Variants in RNF111 observed in about 807,000 individuals in gnomAD.
RNF111 encodes ring finger protein 111.
A neutral mutation model predicts 95.1 loss-of-function variants in RNF111; 17 were observed. The observed-to-expected ratio is 0.18, with a 90% CI of 0.12 to 0.27. The LOEUF (loss-of-function observed/expected upper bound fraction) is 0.27, where lower values mean the gene tolerates loss of function less well. Ranked by LOEUF, RNF111 falls within the 10% of genes least tolerant of loss-of-function variation. The pLI, the probability that RNF111 is intolerant of heterozygous loss-of-function variation, is 1.00. For missense variants in RNF111, 1,189 were observed against 1,210.4 expected (o/e 0.98, Z 0.26); for synonymous variants, 440 against 414.8 (o/e 1.06, Z -0.74).
rs140666244 is a variant in RNF111 at position 59,041,425 on chromosome 15, C to T, written c.880+9723C>T. On this transcript the variant is annotated intron_variant, in intron 2 of 13. Coordinates refer to ENST00000348370, the MANE Select transcript of RNF111 (RefSeq NM_017610.8). ...AAAAATTAGCCGGGTGTGGTGGCTGCACCTGTAATCCCAGCTACTCAAGAG... is the reference window on the plus strand; with the variant it reads ...AAAAATTAGCCGGGTGTGGTGGCTGTACCTGTAATCCCAGCTACTCAAGAG... 4.5e-3 allele frequency among the ~76,000 whole-genome samples: 680 copies of T among 152,152 alleles called. 5 individuals are homozygous for T. The highest frequency in any genetic ancestry group is 0.041 in the Middle Eastern group (12 of 294).
intron 7 of RNF111, 28 bp from the exon 8 acceptor site, chr15:59,080,908 T>C: frequency 6.4e-7 from 1 of 1,557,568 alleles, no homozygotes; most frequent in Non-Finnish European, 8.8e-7. Context: ...GGTGCCTATG[T>C]AACATACTCA....
At chr15:59,056,123 T>A (rs2042190915) in intron 4 of RNF111, among the ~76,000 whole-genome samples, 1 of 152,190 alleles carries the variant, frequency 6.6e-6, no homozygotes, top group South Asian at 2.1e-4. Context: ...TTAGTTTGAT[T>A]TGTAATAATG....
chr15:59,039,943 C>T (rs1366873136), intron 2 of RNF111, among the ~76,000 whole-genome samples: 1 of 151,942 alleles, frequency 6.6e-6, no homozygotes, highest in Non-Finnish European at 1.5e-5. Context: ...TCTCGATCTC[C>T]TGACCTCATG....
Position 59,040,888 on chromosome 15 carries a change from G to A in RNF111, c.880+9186G>A, listed in dbSNP as rs746209290. Among the ~76,000 whole-genome samples the A allele has an allele frequency of 1.3e-3, 192 of 151,942 alleles. 3 individuals are homozygous for A. In the Middle Eastern group the frequency reaches 0.017, roughly 13 times the overall value. Reference sequence around the variant, plus strand: ...AGATATTTTTAAAAAATTTAATTTCGCTTTTTAAATTATGTAAAACATTTA... The same window carrying A: ...AGATATTTTTAAAAAATTTAATTTCACTTTTTAAATTATGTAAAACATTTA... On this transcript the variant is annotated intron_variant, in intron 2 of 13. Coordinates refer to ENST00000348370, the MANE Select transcript of RNF111 (RefSeq NM_017610.8).
chr15:59,067,869 G>T, intron 6 of RNF111, among the ~76,000 whole-genome samples: 1 of 152,110 alleles, frequency 6.6e-6, no homozygotes, highest in South Asian at 2.1e-4. Flanking sequence ...CTCATTTGCA[G>T]ACCTGTAGCA....
At chr15:59,005,227 A>G (rs1284028580) in intron 1 of RNF111, among the ~76,000 whole-genome samples, 1 of 152,088 alleles carries the variant, frequency 6.6e-6, no homozygotes, top group Non-Finnish European at 1.5e-5. Context: ...AGTCTCACCT[A>G]TGTTGCCTAG....
intron 1 of RNF111, among the ~76,000 whole-genome samples, chr15:58,998,256 TTTTAAG>T (rs1268355768): frequency 1.1e-4 from 16 of 152,108 alleles, no homozygotes; most frequent in Admixed American, 7.2e-4. Context: ...TTTTTTTTTT[TTTTAAG>T]TTTAAGTTCA....
At chr15:59,012,807 C>A (rs1458295783) in intron 1 of RNF111, among the ~76,000 whole-genome samples, 4 of 150,936 alleles carry the variant, frequency 2.7e-5, no homozygotes, top group Non-Finnish European at 5.9e-5. Context: ...GGCACAATCT[C>A]AGCTCACTGT....
At chr15:59,080,653 T>C (rs2078713939) in intron 7 of RNF111, among the ~76,000 whole-genome samples, 1 of 152,140 alleles carries the variant, frequency 6.6e-6, no homozygotes, top group Admixed American at 6.5e-5. Flanking sequence ...GTTTCTTTTT[T>C]ATCAGTGGGG....
At chr15:59,039,103 T>G (rs2041324285) in intron 2 of RNF111, among the ~76,000 whole-genome samples, 1 of 152,188 alleles carries the variant, frequency 6.6e-6, no homozygotes, top group African/African-American at 2.4e-5. Flanking sequence ...TAGCTGGGAT[T>G]ACAGGCACGT....
At position 59,076,138 on chromosome 15, in the gene RNF111, G is replaced by A. The variant is rs748801990; in HGVS notation, c.1871G>A (p.Ser624Asn). 4 of 1,613,944 alleles carry A rather than the reference G, an allele frequency of 2.5e-6. No homozygotes were observed. The African/African-American group carries it at 5.3e-5, about 22-fold the overall frequency. Residue 624 changes from serine (S) to asparagine (N), a missense_variant, in exon 7 of 14, where the codon AGC (serine) becomes AAC (asparagine). Physicochemically the swap from Ser to Asn is conservative, Grantham distance 46. Around this residue, in one of 2 missense-constraint regions of RNF111, gnomAD observed 1,024 missense variants for 925.9 expected, o/e 1.11. Transcript: ENST00000348370. ...PLSSIDGYGS[S>N]MVAQPQPQPP... ...TCATCAATAGATGGCTATGGATCAA[G>A]CATGGTTGCGCAGCCCCAGCCCCAG...
At chr15:59,048,530 G>A (rs1447507225) in intron 2 of RNF111, among the ~76,000 whole-genome samples, 5 of 152,146 alleles carry the variant, frequency 3.3e-5, no homozygotes, top group Admixed American at 3.3e-4. Flanking sequence ...GGATTGTGGT[G>A]ATGATTACAC....
intron 1 of RNF111, among the ~76,000 whole-genome samples, chr15:59,005,591 A>G (rs533839378): frequency 7.9e-5 from 12 of 152,252 alleles, no homozygotes; most frequent in African/African-American, 2.9e-4. Context: ...TTTTGGTCTA[A>G]TCTTCAAGAG....
At position 59,031,581 on chromosome 15, in the gene RNF111, T is replaced by C; in HGVS notation, c.759T>C (p.Ser253=). The C allele has an allele frequency of 1.2e-6, 2 of 1,614,222 alleles. No individual in the cohort carries two copies. Among genetic ancestry groups the C allele is most frequent in the South Asian group, 1.1e-5 (1 of 91,090 alleles). Residue 253 remains serine (S), a synonymous_variant, in exon 2 of 14, where the codon TCT becomes TCC. Transcript: ENST00000348370. The part of the protein sequence containing the change: ...ARRKYALLPS[S]SSSSENDLSS... ...GAAAATATGCCTTGCTACCTAGTTC[T>C]AGTAGTTCCAGTGAGAATGACCTCA...
chr15:59,032,555 G>C (rs1196693603), intron 2 of RNF111, among the ~76,000 whole-genome samples: 2 of 152,084 alleles, frequency 1.3e-5, no homozygotes, highest in Non-Finnish European at 2.9e-5. Flanking sequence ...TCAAGTAGCT[G>C]GGACTACAGG....
intron 1 of RNF111, among the ~76,000 whole-genome samples, chr15:58,992,120 C>T (rs1442932809): frequency 6.6e-6 from 1 of 152,160 alleles, no homozygotes; most frequent in African/African-American, 2.4e-5. Context: ...TCTCAGCTCA[C>T]TGAAGCCTCC....
chr15:59,055,971 T>G (rs1168135071), intron 4 of RNF111, 126 bp downstream of exon 4: 1 of 729,504 alleles, frequency 1.4e-6, no homozygotes, highest in Non-Finnish European at 2.0e-6. Flanking sequence ...ATTGTCAGAT[T>G]TTTTAATCTC....
At chr15:59,009,260 C>T (rs2039680584) in intron 1 of RNF111, among the ~76,000 whole-genome samples, 3 of 151,956 alleles carry the variant, frequency 2.0e-5, no homozygotes, top group Admixed American at 1.3e-4. Flanking sequence ...CGCCTGGCCA[C>T]GTATTTTACT....
intron 10 of RNF111, among the ~76,000 whole-genome samples, chr15:59,088,704 C>G (rs1376216099): frequency 1.3e-5 from 2 of 152,160 alleles, no homozygotes; most frequent in Non-Finnish European, 2.9e-5. Context: ...ATATGGGACC[C>G]TTGCAAACCT....
Sources: gnomAD v4.1 joint callset for allele counts (sites outside exome capture counted in the v4.1 genomes callset) on GRCh38, gnomAD v4.1.1 for gene constraint, gnomAD v4.1.1 regional missense constraint, MANE v1.5 for transcripts, NCBI Gene and HGNC (gene_info 2026-07-23, HGNC 2026-07-21) for gene names.